Variants in SOBP observed in about 807,000 individuals in gnomAD.
SOBP encodes the protein sine oculis-binding protein homolog.
In SOBP, 4 loss-of-function variants were observed where a neutral mutation model predicts 53.6. That is an observed-to-expected ratio of 0.07 (90% confidence interval 0.04 to 0.17). The LOEUF (loss-of-function observed/expected upper bound fraction) is 0.17, where lower values mean the gene tolerates loss of function less well. SOBP is among the 10% of genes least tolerant of loss of function. The probability of loss-of-function intolerance (pLI) is 1.00; values close to 1 mark genes in which losing one functional copy is unlikely to be tolerated. For missense variants in SOBP, 1,088 were observed against 1,204.7 expected, an observed-to-expected ratio of 0.90 and a Z score of 1.43; for synonymous variants, 584 against 522.6, an observed-to-expected ratio of 1.12 and a Z score of -1.60.
intron 4 of SOBP, among the ~76,000 whole-genome samples, chr6:107,545,696 C>A (rs555700269): frequency 6.6e-6 from 1 of 151,942 alleles, no homozygotes; most frequent in African/African-American, 2.4e-5. Context: ...CCTTATAAGG[C>A]TAGCTACACC....
At chr6:107,637,985 T>A (rs1348063499) in intron 6 of SOBP, among the ~76,000 whole-genome samples, 4 of 152,120 alleles carry the variant, frequency 2.6e-5, no homozygotes, top group Non-Finnish European at 4.4e-5. Context: ...CCCCAAGAAA[T>A]TACAGCTTTT....
At chr6:107,552,430 G>A (rs1184900096) in intron 4 of SOBP, among the ~76,000 whole-genome samples, 2 of 152,214 alleles carry the variant, frequency 1.3e-5, no homozygotes, top group Non-Finnish European at 2.9e-5. Context: ...AAGGAAGTCA[G>A]AGGTGAGTTG....
chr6:107,525,270 A>C (rs186816507), intron 3 of SOBP, among the ~76,000 whole-genome samples: 126 of 152,344 alleles, frequency 8.3e-4, no homozygotes, highest in African/African-American at 2.9e-3. Flanking sequence ...ACTTACAAGA[A>C]GAAACTCCTT....
At chr6:107,537,898 A>T (rs1321766876) in intron 4 of SOBP, among the ~76,000 whole-genome samples, 1 of 152,176 alleles carries the variant, frequency 6.6e-6, no homozygotes, top group African/African-American at 2.4e-5. Flanking sequence ...CAGTGGGAAG[A>T]AACCAATGTG....
chr6:107,495,898 G>T (rs1308048412), intron 1 of SOBP, among the ~76,000 whole-genome samples: 1 of 151,882 alleles, frequency 6.6e-6, no homozygotes, highest in Admixed American at 6.6e-5. Context: ...ACTTCCTCTT[G>T]TGGAATGGGA....
chr6:107,579,385 A>G (rs1321024391), intron 4 of SOBP, among the ~76,000 whole-genome samples: 1 of 152,238 alleles, frequency 6.6e-6, no homozygotes, highest in Non-Finnish European at 1.5e-5. Flanking sequence ...GCCCTGCAAG[A>G]TAAATGCAAA....
chr6:107,644,447 T>C (rs1483571415), intron 6 of SOBP, among the ~76,000 whole-genome samples: 1 of 152,222 alleles, frequency 6.6e-6, no homozygotes, highest in East Asian at 1.9e-4. Context: ...ACTATTTGCC[T>C]TCAGCCATCT....
At position 107,506,427 on chromosome 6, in the gene SOBP, G is replaced by A. The variant is rs751111236; in HGVS notation, c.421G>A (p.Glu141Lys). ...IPPPFIKPPAEDDVSNVQIMC... is the reference protein window; with the variant it reads ...IPPPFIKPPAKDDVSNVQIMC... ...ACCACCTTTCATAAAGCCACCAGCA[G>A]GTAAGTCACTACTGGTGTTTTCAGT... The change falls in exon 3 of 7, where the codon GAA becomes AAA. Residue 141 changes from glutamate (E) to lysine (K), a missense_variant and splice_region_variant. Physicochemically the swap from Glu to Lys is moderately conservative, Grantham distance 56 (BLOSUM62 1). Around this residue, in one of 6 missense-constraint regions of SOBP, gnomAD observed 112 missense variants for 117.9 expected, o/e 0.95. Coordinates refer to ENST00000317357, the MANE Select transcript of SOBP (RefSeq NM_018013.4). 1 of 1,614,002 alleles carries A rather than the reference G, an allele frequency of 6.2e-7. No individual in the cohort carries two copies. Among genetic ancestry groups the A allele is most frequent in the Non-Finnish European group, 8.5e-7 (1 of 1,179,910 alleles).
chr6:107,553,250 T>A (rs1322318806), intron 4 of SOBP, among the ~76,000 whole-genome samples: 2 of 151,842 alleles, frequency 1.3e-5, no homozygotes, highest in East Asian at 3.9e-4. Flanking sequence ...ACACATAATT[T>A]CATGGGGTTC....
intron 4 of SOBP, among the ~76,000 whole-genome samples, chr6:107,551,683 T>C (rs1784463004): frequency 6.6e-6 from 1 of 152,258 alleles, no homozygotes; most frequent in Non-Finnish European, 1.5e-5. Context: ...CTTATTTTCC[T>C]GTGTGATCCA....
chr6:107,606,265 C>G (rs1003169279), intron 5 of SOBP, among the ~76,000 whole-genome samples: 7 of 151,880 alleles, frequency 4.6e-5, no homozygotes, highest in Admixed American at 3.9e-4. Flanking sequence ...TTAGTAGAGA[C>G]AGGGTTTCAC....
chr6:107,619,476 C>T (rs1786922637), intron 5 of SOBP, among the ~76,000 whole-genome samples: 2 of 152,150 alleles, frequency 1.3e-5, no homozygotes, highest in Admixed American at 1.3e-4. Flanking sequence ...TGCAACATTT[C>T]CCAAGCTTAT....
intron 5 of SOBP, among the ~76,000 whole-genome samples, chr6:107,611,471 T>C (rs1370218534): frequency 6.6e-6 from 1 of 152,210 alleles, no homozygotes; most frequent in Non-Finnish European, 1.5e-5. Context: ...CATTTGACTA[T>C]AAGCAACATT....
intron 3 of SOBP, among the ~76,000 whole-genome samples, chr6:107,513,724 C>CA (rs57209957): frequency 0.025 from 2,366 of 96,180 alleles, 28 homozygotes; most frequent in African/African-American, 0.039. Flanking sequence ...ATGCAATTCT[C>CA]AAAAAAAAAA....
chr6:107,552,008 A>G (rs1784473341), intron 4 of SOBP, among the ~76,000 whole-genome samples: 1 of 152,186 alleles, frequency 6.6e-6, no homozygotes, highest in Non-Finnish European at 1.5e-5. Context: ...GCATCAGAGC[A>G]AGACTCCATC....
chr6:107,627,417 A>T (rs946692324), intron 5 of SOBP, among the ~76,000 whole-genome samples: 14 of 152,224 alleles, frequency 9.2e-5, no homozygotes, highest in Non-Finnish European at 2.9e-5. Flanking sequence ...AGAAGGAAGG[A>T]TCTGCTCCTG....
chr6:107,503,864 T>TCCCAAAGCAACTCAA, intron 2 of SOBP, 69 bp downstream of exon 2: 2 of 1,587,176 alleles, frequency 1.3e-6, no homozygotes, highest in Non-Finnish European at 1.7e-6. Context: ...CAGAATTGAG[T>TCCCAAAGCAACTCAA]TGCTTTGGGA....
chr6:107,609,693 G>A (rs930733520), intron 5 of SOBP, among the ~76,000 whole-genome samples: 2 of 152,084 alleles, frequency 1.3e-5, no homozygotes, highest in East Asian at 3.9e-4. Flanking sequence ...TTGTTGCCTA[G>A]CTCCGTTATG....
At chr6:107,645,942 A>T (rs1278486721) in intron 6 of SOBP, among the ~76,000 whole-genome samples, 1 of 152,220 alleles carries the variant, frequency 6.6e-6, no homozygotes, top group East Asian at 1.9e-4. Context: ...ACAGAGGGTG[A>T]GAAGCATGAG....
Sources: allele counts gnomAD v4.1 joint callset (sites outside exome capture counted in the v4.1 genomes callset), GRCh38; gene constraint gnomAD v4.1.1; regional missense constraint gnomAD v4.1.1; transcripts MANE v1.5; gene names NCBI Gene and HGNC (gene_info 2026-07-23, HGNC 2026-07-21).